Variants in MAK observed in about 807,000 individuals in gnomAD.
MAK encodes the protein serine/threonine-protein kinase MAK.
Under a neutral mutation model 82.6 loss-of-function variants are expected in MAK, and 65 were observed. That is an observed-to-expected ratio of 0.79 (90% CI 0.64 to 0.97). MAK has a LOEUF of 0.97. Among genes scored for constraint, MAK ranks in the 50% least tolerant of loss-of-function variants. The pLI is 0.00. For synonymous variants in MAK, 250 were observed against 274.2 expected, an observed-to-expected ratio of 0.91 and a Z score of 0.87; for missense variants, 703 against 780.2, an observed-to-expected ratio of 0.90 and a Z score of 1.18.
At chr6:10,775,303 T>C (rs368089813) in intron 12 of MAK, 25 bp downstream of exon 12, 12 of 1,610,354 alleles carry the variant, frequency 7.5e-6, no homozygotes, top group Admixed American at 5.0e-5. Context: ...ACCCCGTACA[T>C]GTACATTTTG....
At chr6:10,823,434 T>G (rs1171007920) in intron 2 of MAK, among the ~76,000 whole-genome samples, 1 of 152,192 alleles carries the variant, frequency 6.6e-6, no homozygotes, top group East Asian at 1.9e-4. Context: ...AGGTAATCAA[T>G]TTCCCTTTAA....
At chr6:10,830,124 C>T (rs1318777637) in intron 2 of MAK, among the ~76,000 whole-genome samples, 5 of 141,500 alleles carry the variant, frequency 3.5e-5, no homozygotes, top group African/African-American at 1.1e-4. Context: ...CCTGTGTGCA[C>T]GTGTGTGTGT....
chr6:10,830,559 C>T lies in MAK; in HGVS notation c.90G>A (p.Val30=), dbSNP rs753737265. The T allele has an allele frequency of 3.7e-6, 6 of 1,613,914 alleles. No individual in the cohort carries two copies. The highest frequency in any genetic ancestry group is 4.5e-5 in the East Asian group (2 of 44,884). ...GTCACACACAGTACCTTTTGATGGC[C>T]ACCAGCTCCCCGGATTCATTACTCT... ...MGKSNESGEL[V]AIKRMKRKFY... is the part of the protein sequence containing the mutation. Residue 30 remains valine, a synonymous_variant, in exon 2 of 15, where the codon GTG becomes GTA. Transcript: ENST00000354489.
At chr6:10,811,076 G>A (rs1298060860) in intron 5 of MAK, among the ~76,000 whole-genome samples, 1 of 152,212 alleles carries the variant, frequency 6.6e-6, no homozygotes, top group Non-Finnish European at 1.5e-5. Flanking sequence ...TCAGCTCACT[G>A]TAATCTCCGC....
intron 1 of MAK, 36 bp from the exon 2 acceptor site, chr6:10,830,913 T>A: frequency 2.3e-6 from 1 of 429,664 alleles, no homozygotes; most frequent in Non-Finnish European, 4.3e-6. Flanking sequence ...TGAATTTTCA[T>A]TAACAAGTCT....
At chr6:10,772,940 G>T in intron 13 of MAK, 94 bp downstream of exon 13, 1 of 793,810 alleles carries the variant, frequency 1.3e-6, no homozygotes, top group Non-Finnish European at 2.1e-6. Context: ...GATCATCTCG[G>T]CCTTTTATGT....
chr6:10,787,439 T>C, intron 10 of MAK, among the ~76,000 whole-genome samples: 1 of 152,162 alleles, frequency 6.6e-6, no homozygotes, highest in Non-Finnish European at 1.5e-5. Context: ...TTTACTGAAG[T>C]ATGAAAATTA....
rs187954724 is a variant in MAK, at chr6:10,808,372, G to A, written c.491+438C>T. Among the ~76,000 whole-genome samples the A allele has an allele frequency of 7.8e-3, 1,184 of 152,310 alleles. 9 individuals are homozygous for A. Among genetic ancestry groups the A allele is most frequent in the Middle Eastern group, 0.014 (4 of 294 alleles). On this transcript the variant is annotated intron_variant, in intron 6 of 14. Transcript: ENST00000354489. Reference sequence around the variant, plus strand: ...GTATACGATGCTACTGTTCATGGACGTTTGGGTGGCGTGCAGTAGAGAGGA... The same window carrying A: ...GTATACGATGCTACTGTTCATGGACATTTGGGTGGCGTGCAGTAGAGAGGA...
intron 6 of MAK, among the ~76,000 whole-genome samples, chr6:10,807,150 C>T (rs777717942): frequency 2.6e-5 from 4 of 151,894 alleles, no homozygotes; most frequent in Non-Finnish European, 5.9e-5. Context: ...GTGGCGTGCA[C>T]CTGTCTCAAG....
At chr6:10,822,850 A>C (rs536883961) in intron 2 of MAK, among the ~76,000 whole-genome samples, 1 of 152,292 alleles carries the variant, frequency 6.6e-6, no homozygotes, top group South Asian at 2.1e-4. Flanking sequence ...TAACTTAATT[A>C]AGTGAGGGAA....
chr6:10,765,608 C>T (rs2127502938), intron 14 of MAK, among the ~76,000 whole-genome samples: 1 of 152,056 alleles, frequency 6.6e-6, no homozygotes, highest in South Asian at 2.1e-4. Context: ...TACAGGGGCG[C>T]ACCACCACGC....
intron 2 of MAK, chr6:10,828,860 A>G (rs1778571045): frequency 6.6e-6 from 1 of 152,246 alleles, no homozygotes; most frequent in Admixed American, 6.5e-5. Context: ...AAAGACCTAG[A>G]GAGGATATGG....
At chr6:10,834,726 T>C (rs1779041780) in intron 1 of MAK, among the ~76,000 whole-genome samples, 1 of 151,418 alleles carries the variant, frequency 6.6e-6, no homozygotes, top group Non-Finnish European at 1.5e-5. Flanking sequence ...AGTGAGACCT[T>C]AGAACTTGAA....
At chr6:10,813,126 ATATATATAAATTTTTTTTTTTTTTTTT>A (rs1777156603) in intron 5 of MAK, among the ~76,000 whole-genome samples, 1 of 682 alleles carries the variant, frequency 1.5e-3, no homozygotes, top group African/African-American at 4.3e-3. Flanking sequence ...ATATATATAT[ATATATATAAATTTTTTTTTTTTTTTTT>A]TTTTTTTTTT....
intron 1 of MAK, among the ~76,000 whole-genome samples, chr6:10,836,709 G>C (rs1352286511): frequency 2.6e-5 from 4 of 152,112 alleles, no homozygotes; most frequent in Non-Finnish European, 4.4e-5. Context: ...TTATGTACAT[G>C]AATATATATA....
chr6:10,768,277 A>G (rs1276178606), intron 14 of MAK, among the ~76,000 whole-genome samples: 1 of 152,176 alleles, frequency 6.6e-6, no homozygotes, highest in Non-Finnish European at 1.5e-5. Context: ...CTGCCTTTAT[A>G]TTAAAAATAT....
intron 4 of MAK, among the ~76,000 whole-genome samples, chr6:10,815,385 G>T (rs1402846657): frequency 7.9e-5 from 12 of 152,124 alleles, no homozygotes. Flanking sequence ...CACTCTGGGA[G>T]GCCAAGGCAG....
intron 2 of MAK, among the ~76,000 whole-genome samples, chr6:10,822,176 G>A (rs916142292): frequency 2.1e-5 from 3 of 145,630 alleles, no homozygotes; most frequent in East Asian, 2.0e-4. Context: ...AAAGCTGGCC[G>A]GGTGCGGTGG....
intron 8 of MAK, among the ~76,000 whole-genome samples, chr6:10,796,566 G>A (rs767492690): frequency 1.3e-5 from 2 of 152,176 alleles, no homozygotes; most frequent in South Asian, 2.1e-4. Context: ...AGCACTTTGG[G>A]AGGATGAGGT....
Sources: gnomAD v4.1 joint callset for allele counts (sites outside exome capture counted in the v4.1 genomes callset) on GRCh38, gnomAD v4.1.1 for gene constraint, MANE v1.5 for transcripts, NCBI Gene and HGNC (gene_info 2026-07-23, HGNC 2026-07-21) for gene names.